LRP6: variants seen among roughly 807,000 people sequenced by gnomAD.
LRP6 encodes LDL receptor related protein 6.
In LRP6, 43 loss-of-function variants were observed where a neutral mutation model predicts 184.1. The observed-to-expected ratio is 0.23, with a 90% CI of 0.18 to 0.30. LRP6 has a LOEUF of 0.30. Among genes scored for constraint, LRP6 ranks in the 10% least tolerant of loss-of-function variants. The pLI, the probability that LRP6 is intolerant of heterozygous loss-of-function variation, is 1.00. For synonymous variants in LRP6, 719 were observed against 684.9 expected (o/e 1.05, Z -0.78); for missense variants, 1,571 against 2,005.3 (o/e 0.78, Z 4.14).
chr12:12,209,164 T>C (rs575815020), intron 2 of LRP6, among the ~76,000 whole-genome samples: 3 of 152,320 alleles, frequency 2.0e-5, no homozygotes, highest in East Asian at 1.9e-4. Flanking sequence ...CAGAAGCAAT[T>C]TGCACACTAT....
At chr12:12,252,626 T>G (rs867496078) in intron 1 of LRP6, among the ~76,000 whole-genome samples, 17 of 152,302 alleles carry the variant, frequency 1.1e-4, no homozygotes, top group Admixed American at 5.2e-4. Flanking sequence ...TATAATGTCA[T>G]CAGTCATAAT....
chr12:12,167,557 C>A (rs574373501), intron 7 of LRP6, among the ~76,000 whole-genome samples: 1 of 151,742 alleles, frequency 6.6e-6, no homozygotes, highest in East Asian at 1.9e-4. Flanking sequence ...GCAGGAGAAT[C>A]GCTTGAACCC....
chr12:12,239,942 G>C (rs1202993923), intron 2 of LRP6, among the ~76,000 whole-genome samples: 1 of 151,322 alleles, frequency 6.6e-6, no homozygotes, highest in Non-Finnish European at 1.5e-5. Context: ...GAGACACGGT[G>C]ATGGATATTA....
chr12:12,233,350 C>T (rs1864841412), intron 2 of LRP6, among the ~76,000 whole-genome samples: 1 of 152,072 alleles, frequency 6.6e-6, no homozygotes, highest in African/African-American at 2.4e-5. Context: ...TGCTTATAGT[C>T]CCAGCTACTC....
intron 2 of LRP6, among the ~76,000 whole-genome samples, chr12:12,210,087 T>C (rs577194816): frequency 9.2e-5 from 14 of 152,246 alleles, no homozygotes; most frequent in Non-Finnish European, 1.3e-4. Flanking sequence ...GTGAGGTACA[T>C]TGACAATGAA....
At chr12:12,139,073 T>A in intron 15 of LRP6, 2 of 1,165,694 alleles carry the variant, frequency 1.7e-6, no homozygotes, top group South Asian at 1.6e-5. Flanking sequence ...AGTTCTTTTA[T>A]ACAGTGGGCT....
intron 15 of LRP6, among the ~76,000 whole-genome samples, chr12:12,142,339 G>A (rs1044334685): frequency 6.6e-6 from 1 of 152,162 alleles, no homozygotes; most frequent in Admixed American, 6.5e-5. Context: ...TGTCACTGCA[G>A]GCCCCCAGAT....
chr12:12,257,574 C>T (rs1402945939), intron 1 of LRP6, among the ~76,000 whole-genome samples: 8 of 142,268 alleles, frequency 5.6e-5, no homozygotes, highest in African/African-American at 1.9e-4. Context: ...GAGCAAGACT[C>T]CCTCTCAAGG....
chr12:12,193,545 A>C (rs1279875219), intron 3 of LRP6, among the ~76,000 whole-genome samples: 3 of 152,012 alleles, frequency 2.0e-5, no homozygotes, highest in Non-Finnish European at 4.4e-5. Flanking sequence ...AAAGTGATGA[A>C]TGAAAGAGAA....
Position 12,147,393 on chromosome 12 carries a change from G to A in LRP6, c.3370C>T (p.Arg1124Trp), listed in dbSNP as rs147411481. 1.7e-4 allele frequency: 278 copies of A among 1,613,958 alleles called. No individual in the cohort carries two copies. The highest frequency in any genetic ancestry group is 2.3e-4 in the Non-Finnish European group (266 of 1,180,022). The part of the protein sequence containing the change: ...GKLFWADSDL[R>W]RIESSDLSGA... ...GAGAGATCACTGCTTTCAATTCGCCGGAGATCTGAATCAGCCCAAAAGAGC... is the reference window on the plus strand; with the variant it reads ...GAGAGATCACTGCTTTCAATTCGCCAGAGATCTGAATCAGCCCAAAAGAGC... Residue 1124 changes from arginine to tryptophan, a missense_variant, in exon 15 of 23, where the codon CGG (arginine) becomes TGG (tryptophan). Physicochemically the swap from Arg to Trp is moderately radical, Grantham distance 101. Coordinates refer to ENST00000261349, the MANE Select transcript of LRP6 (RefSeq NM_002336.3).
chr12:12,193,033 A>G (rs1279477114), intron 3 of LRP6, among the ~76,000 whole-genome samples: 2 of 152,082 alleles, frequency 1.3e-5, no homozygotes, highest in African/African-American at 4.8e-5. Flanking sequence ...CTGAACTCAT[A>G]TAAAATAGAC....
intron 2 of LRP6, among the ~76,000 whole-genome samples, chr12:12,226,038 C>A (rs1052156822): frequency 2.6e-5 from 4 of 152,264 alleles, no homozygotes; most frequent in East Asian, 3.9e-4. Flanking sequence ...ACCTCCCTCT[C>A]CCCGTCTACA....
At chr12:12,237,042 G>A (rs996980875) in intron 2 of LRP6, among the ~76,000 whole-genome samples, 6 of 152,062 alleles carry the variant, frequency 3.9e-5, no homozygotes, top group South Asian at 2.1e-4. Context: ...TGGTCTTTCT[G>A]GTGACCAGCC....
At chr12:12,123,240 T>C (rs975200900) in intron 22 of LRP6, among the ~76,000 whole-genome samples, 1 of 152,236 alleles carries the variant, frequency 6.6e-6, no homozygotes, top group African/African-American at 2.4e-5. Context: ...ATTAAGGACA[T>C]TACTTTTAAA....
chr12:12,145,256 G>C (rs971351212), intron 15 of LRP6, among the ~76,000 whole-genome samples: 1 of 151,908 alleles, frequency 6.6e-6, no homozygotes, highest in South Asian at 2.1e-4. Context: ...CTATACATGC[G>C]TAAGTGTGTG....
chr12:12,151,876 G>A (rs1950086251), intron 12 of LRP6, among the ~76,000 whole-genome samples: 1 of 152,100 alleles, frequency 6.6e-6, no homozygotes, highest in Admixed American at 6.6e-5. Flanking sequence ...ACCAGTAGTG[G>A]CAGTAATAAA....
chr12:12,245,650 T>C (rs1214831877), intron 1 of LRP6, among the ~76,000 whole-genome samples: 1 of 152,248 alleles, frequency 6.6e-6, no homozygotes, highest in Non-Finnish European at 1.5e-5. Context: ...TATTCTGTTC[T>C]ATATTACTAT....
intron 20 of LRP6, among the ~76,000 whole-genome samples, chr12:12,125,769 G>C (rs1219426802): frequency 6.6e-6 from 1 of 152,086 alleles, no homozygotes; most frequent in Non-Finnish European, 1.5e-5. Context: ...TTGTGAGGCA[G>C]GGCATATTAA....
chr12:12,178,024 G>GTATA (rs143190824), intron 7 of LRP6, among the ~76,000 whole-genome samples: 4 of 149,912 alleles, frequency 2.7e-5, no homozygotes, highest in South Asian at 2.1e-4. Flanking sequence ...GTGTCTGTAT[G>GTATA]TATATATATA....
Sources: gnomAD v4.1 joint callset for allele counts (sites outside exome capture counted in the v4.1 genomes callset) on GRCh38, gnomAD v4.1.1 for gene constraint, MANE v1.5 for transcripts, NCBI Gene and HGNC (gene_info 2026-07-23, HGNC 2026-07-21) for gene names.